The following SLC4A4 variants were observed in gnomAD, a reference collection of about 807,000 sequenced individuals.
SLC4A4 encodes electrogenic sodium bicarbonate cotransporter 1.
In SLC4A4, 27 loss-of-function variants were observed where a neutral mutation model predicts 111.5. That is an observed-to-expected ratio of 0.24 (90% CI 0.18 to 0.33). The LOEUF (loss-of-function observed/expected upper bound fraction) is 0.33. Ranked by LOEUF, SLC4A4 falls within the 10% of genes least tolerant of loss-of-function variation. The probability of loss-of-function intolerance (pLI) is 1.00; values close to 1 mark genes in which losing one functional copy is unlikely to be tolerated. For synonymous variants in SLC4A4, 443 were observed against 463.4 expected (o/e 0.96, Z 0.57); for missense variants, 909 against 1,315.5 (o/e 0.69, Z 4.78).
At chr4:71,270,011 G>A (rs7436806) in intron 3 of SLC4A4, among the ~76,000 whole-genome samples, 18,610 of 152,168 alleles carry the variant, frequency 0.12, 1,266 homozygotes, top group East Asian at 0.24. Context: ...ACAGCTTAGT[G>A]TATATTAGTT....
intron 14 of SLC4A4, among the ~76,000 whole-genome samples, chr4:71,481,106 TG>T (rs1728838871): frequency 6.6e-6 from 1 of 151,742 alleles, no homozygotes; most frequent in African/African-American, 2.4e-5. Context: ...GTTTTACAAA[TG>T]AGGAACATGT....
In SLC4A4 at chr4:71,236,852, G is replaced by A. The variant is rs994927867; in HGVS notation, c.73+203G>A. Among the ~76,000 whole-genome samples the A allele has an allele frequency of 2.0e-5, 3 of 152,156 alleles. 1 individual carries two copies. The highest frequency in any genetic ancestry group is 4.4e-5 in the Non-Finnish European group (3 of 68,020). ...GACCATCAAAATCTGATTCAATATG[G>A]GTCTTGCCTGGTTTAAAAAAAGTCT... is the stretch of plus-strand genomic sequence containing the variant. On this transcript the variant is annotated intron_variant, in intron 2 of 25. Coordinates refer to ENST00000264485, the MANE Select transcript of SLC4A4 (RefSeq NM_001098484.3).
chr4:71,437,831 C>T, intron 7 of SLC4A4: 1 of 230,698 alleles, frequency 4.3e-6, no homozygotes, highest in South Asian at 6.4e-5. Context: ...TGTGTGGCCT[C>T]GTGGGGGCAC....
At chr4:71,120,188 T>C (rs186610368) in intron 2 of SLC4A4, among the ~76,000 whole-genome samples, 60 of 152,324 alleles carry the variant, frequency 3.9e-4, no homozygotes, top group Non-Finnish European at 7.8e-4. Context: ...AAAGTTTATT[T>C]ATACAAATAT....
chr4:71,231,850 A>G (rs1005218302), intron 1 of SLC4A4, among the ~76,000 whole-genome samples: 4 of 152,206 alleles, frequency 2.6e-5, no homozygotes, highest in African/African-American at 9.6e-5. Context: ...AGAAGGAGGA[A>G]CTAGTTGGGT....
rs188810431 is a variant in SLC4A4 at position 71,195,315 on chromosome 4, G to A, written c.-2+7914G>A. 8.3e-4 allele frequency among the ~76,000 whole-genome samples: 123 copies of A among 148,414 alleles called. 2 individuals carry two copies. The highest frequency in any genetic ancestry group is 3.3e-4 in the Non-Finnish European group (22 of 67,602). ...ATCATTTAAGTATAGCTGTTCTGTG[G>A]TACTCAGAATACTGAGCATGTAACA... On this transcript the variant is annotated intron_variant, in intron 1 of 25. Coordinates refer to ENST00000264485, the MANE Select transcript of SLC4A4 (RefSeq NM_001098484.3).
chr4:71,118,697 G>T (rs1370157132), intron 2 of SLC4A4, among the ~76,000 whole-genome samples: 1 of 152,026 alleles, frequency 6.6e-6, no homozygotes, highest in Non-Finnish European at 1.5e-5. Flanking sequence ...AAATATTTTA[G>T]TATATTAAGG....
intron 5 of SLC4A4, among the ~76,000 whole-genome samples, chr4:71,356,060 T>C (rs556398279): frequency 6.6e-6 from 1 of 152,240 alleles, no homozygotes; most frequent in African/African-American, 2.4e-5. Context: ...TTCTGTAATG[T>C]TTTGTCCTCA....
intron 2 of SLC4A4, 27 bp from the exon 3 acceptor site, chr4:71,255,193 G>T: frequency 6.2e-7 from 1 of 1,608,940 alleles, no homozygotes; most frequent in South Asian, 1.1e-5. Flanking sequence ...GGTTTGAACT[G>T]ACTGGTGATT....
At chr4:71,369,789 G>T (rs1731682728) in intron 6 of SLC4A4, among the ~76,000 whole-genome samples, 1 of 152,140 alleles carries the variant, frequency 6.6e-6, no homozygotes, top group Non-Finnish European at 1.5e-5. Context: ...GAGTATATGT[G>T]ATATAATTTT....
intron 16 of SLC4A4, among the ~76,000 whole-genome samples, chr4:71,523,518 G>A (rs943094089): frequency 3.9e-5 from 6 of 152,128 alleles, no homozygotes; most frequent in African/African-American, 1.4e-4. Flanking sequence ...GTTGGGAGCA[G>A]TGATTGGCCA....
rs1052006043 is a variant in SLC4A4, at chr4:71,453,816, C to T, written c.1497+147C>T. On this transcript the variant is annotated intron_variant, in intron 12 of 25. Coordinates refer to ENST00000264485, the MANE Select transcript of SLC4A4 (RefSeq NM_001098484.3). ...ATGCTGCATTTTACTTTGCTTCTGG[C>T]CTGCTGCTGTATTTCCAGCATTTTA... 4.0e-6 allele frequency: 3 copies of T among 741,178 alleles called. No homozygotes were observed. The South Asian group carries it at 4.7e-5, about 12-fold the overall frequency. 45.9% of individuals were successfully genotyped at this position (741,178 alleles called of 1,614,324 possible). A position where few individuals can be genotyped will look rare whatever the true frequency, so the allele number is the denominator to read the frequency against.
At chr4:71,484,967 G>A (rs538684273) in intron 14 of SLC4A4, among the ~76,000 whole-genome samples, 1 of 151,894 alleles carries the variant, frequency 6.6e-6, no homozygotes, top group East Asian at 1.9e-4. Flanking sequence ...AGGAATGCTA[G>A]TGATTTTTGC....
intron 1 of SLC4A4, among the ~76,000 whole-genome samples, chr4:71,090,173 G>A (rs149117897): frequency 0.012 from 1,834 of 152,218 alleles, 47 homozygotes; most frequent in African/African-American, 0.042. Context: ...GCGAGGCTCC[G>A]TGGGTGTAGG....
intron 8 of SLC4A4, 50 bp from the exon 9 acceptor site, chr4:71,447,596 A>G (rs1234370694): frequency 2.9e-5 from 33 of 1,124,792 alleles, no homozygotes; most frequent in African/African-American, 4.6e-5. Flanking sequence ...ATGTATGTTG[A>G]GTTTGATGAA....
intron 3 of SLC4A4, among the ~76,000 whole-genome samples, chr4:71,306,517 G>T (rs892933665): frequency 2.6e-5 from 4 of 152,082 alleles, no homozygotes; most frequent in Non-Finnish European, 5.9e-5. Context: ...CAGGAGGCGG[G>T]GGTTGCAGTG....
At position 71,350,215 on chromosome 4, in the gene SLC4A4, T is replaced by C. The variant is rs543903244; in HGVS notation, c.550+143T>C. 11 of 825,092 alleles carry C rather than the reference T, an allele frequency of 1.3e-5. No homozygotes were observed. In the South Asian group the frequency reaches 1.8e-4, roughly 14 times the overall value. 51.1% of individuals were successfully genotyped at this position (825,092 alleles called of 1,614,324 possible). On this transcript the variant is annotated intron_variant, in intron 5 of 25. Transcript: ENST00000264485. ...CTCTTTTTGCATTATAACATTAGTA[T>C]GATTTATTGCAAGAAAATCTGAAAA... is the stretch of plus-strand genomic sequence containing the variant.
intron 1 of SLC4A4, among the ~76,000 whole-genome samples, chr4:71,075,313 T>C (rs1741780297): frequency 6.6e-6 from 1 of 152,228 alleles, no homozygotes; most frequent in South Asian, 2.1e-4. Flanking sequence ...AATGTATTTC[T>C]TTCTTACCTT....
chr4:71,217,767 A>T (rs1718522335), intron 1 of SLC4A4, among the ~76,000 whole-genome samples: 1 of 152,202 alleles, frequency 6.6e-6, no homozygotes, highest in South Asian at 2.1e-4. Context: ...ATATGTACTT[A>T]GCTGGCATTT....
Sources: gnomAD v4.1 joint callset for allele counts (sites outside exome capture counted in the v4.1 genomes callset) on GRCh38, gnomAD v4.1.1 for gene constraint, MANE v1.5 for transcripts, NCBI Gene and HGNC (gene_info 2026-07-23, HGNC 2026-07-21) for gene names.